Variants in PEX14 observed in about 807,000 individuals in gnomAD.
The protein encoded by PEX14 is peroxisomal biogenesis factor 14.
In PEX14, 15 loss-of-function variants were observed where a neutral mutation model predicts 49.5. The ratio of observed to expected loss-of-function variants is 0.30; its 90% confidence interval spans 0.20 to 0.47. PEX14 has a LOEUF of 0.47. PEX14 is among the 20% of genes least tolerant of loss of function. PEX14 has a pLI of 1.00. For synonymous variants in PEX14, 210 were observed against 212.7 expected, an observed-to-expected ratio of 0.99 and a Z score of 0.11; for missense variants, 398 against 494.8, an observed-to-expected ratio of 0.80 and a Z score of 1.86.
chr1:10,498,504 A>G (rs1465404775), intron 2 of PEX14, among the ~76,000 whole-genome samples: 1 of 152,154 alleles, frequency 6.6e-6, no homozygotes, highest in East Asian at 1.9e-4. Context: ...TTGTGGTGAG[A>G]AGTGTAATCT....
At chr1:10,517,403 C>G (rs1030459619) in intron 2 of PEX14, among the ~76,000 whole-genome samples, 16 of 151,928 alleles carry the variant, frequency 1.1e-4, no homozygotes, top group African/African-American at 3.6e-4. Flanking sequence ...TGATATAGCC[C>G]GTATGCAGAC....
intron 2 of PEX14, among the ~76,000 whole-genome samples, chr1:10,508,238 G>T (rs537106274): frequency 1.3e-5 from 2 of 151,716 alleles, no homozygotes; most frequent in African/African-American, 2.4e-5. Context: ...ACGGAGTCTC[G>T]CTCTGTCACC....
intron 8 of PEX14, 125 bp downstream of exon 8, chr1:10,627,488 A>G (rs1641784945): frequency 2.8e-6 from 2 of 721,478 alleles, no homozygotes; most frequent in Admixed American, 4.1e-5. Flanking sequence ...TGGGCGACTC[A>G]GGCACTGAGT....
At chr1:10,526,893 T>C (rs1038711435) in intron 2 of PEX14, among the ~76,000 whole-genome samples, 4 of 152,084 alleles carry the variant, frequency 2.6e-5, no homozygotes, top group African/African-American at 9.7e-5. Context: ...GATTGTTGAC[T>C]TTCTTCTGTT....
At chr1:10,621,955 C>T (rs924303303) in intron 5 of PEX14, among the ~76,000 whole-genome samples, 3 of 152,168 alleles carry the variant, frequency 2.0e-5, no homozygotes, top group Non-Finnish European at 4.4e-5. Flanking sequence ...TATCCCCGGG[C>T]AGCTCCTGCC....
At chr1:10,483,062 T>C (rs1005299565) in intron 1 of PEX14, among the ~76,000 whole-genome samples, 11 of 152,230 alleles carry the variant, frequency 7.2e-5, no homozygotes, top group African/African-American at 2.4e-4. Context: ...TTGTCGAAGA[T>C]GAAGTTTGAT....
chr1:10,475,144 C>T, intron 1 of PEX14, 142 bp downstream of exon 1: 2 of 757,672 alleles, frequency 2.6e-6, no homozygotes, highest in East Asian at 5.4e-5. Context: ...AGCCCCGCCC[C>T]TCCCCAGGTC....
chr1:10,483,431 C>G (rs911257520), intron 1 of PEX14, among the ~76,000 whole-genome samples: 7 of 152,290 alleles, frequency 4.6e-5, no homozygotes, highest in Admixed American at 1.3e-4. Context: ...ATTCTCCCCC[C>G]TCAGCCTCCG....
At chr1:10,603,100 A>G (rs1168179257) in intron 4 of PEX14, among the ~76,000 whole-genome samples, 1 of 152,206 alleles carries the variant, frequency 6.6e-6, no homozygotes, top group Admixed American at 6.5e-5. Flanking sequence ...CTCTTTTGGC[A>G]TCTCTGTTCT....
intron 2 of PEX14, among the ~76,000 whole-genome samples, chr1:10,526,828 G>T (rs147977432): frequency 2.9e-4 from 44 of 152,248 alleles, no homozygotes; most frequent in African/African-American, 1.0e-3. Flanking sequence ...GATTAGGGAT[G>T]CTCATCCTGT....
At position 10,623,220 on chromosome 1, in the gene PEX14, G is replaced by A. The variant is rs1641647055; in HGVS notation, c.487+99G>A. 6 of 774,620 alleles carry A rather than the reference G, an allele frequency of 7.7e-6. No homozygotes were observed. The highest frequency in any genetic ancestry group is 1.4e-5 in the Non-Finnish European group (6 of 438,978). 48.0% of individuals were successfully genotyped at this position (774,620 alleles called of 1,614,324 possible). A position where few individuals can be genotyped will look rare whatever the true frequency, so the allele number is the denominator to read the frequency against. On this transcript the variant is annotated intron_variant, in intron 6 of 8. Coordinates refer to ENST00000356607, the MANE Select transcript of PEX14 (RefSeq NM_004565.3). This position sits in a 1 kb window ranked among gnomAD's most constrained non-coding sequence, Gnocchi z 4.4. ...TCCCTCTGTCTCCACTCTATGTGGT[G>A]ACTTCATTTATCTGCTCTGAGAATC...
chr1:10,596,407 C>T (rs1268671990), intron 3 of PEX14, among the ~76,000 whole-genome samples: 1 of 152,166 alleles, frequency 6.6e-6, no homozygotes, highest in Non-Finnish European at 1.5e-5. Context: ...GGGTTAAGTT[C>T]CTGTATTGTT....
intron 2 of PEX14, among the ~76,000 whole-genome samples, chr1:10,500,927 A>G (rs1570160247): frequency 6.6e-6 from 1 of 152,210 alleles, no homozygotes; most frequent in Non-Finnish European, 1.5e-5. Flanking sequence ...GTGTGCACTC[A>G]TGTATGCATG....
chr1:10,486,950 G>A (rs1267443806), intron 1 of PEX14, among the ~76,000 whole-genome samples: 1 of 151,830 alleles, frequency 6.6e-6, no homozygotes, highest in East Asian at 1.9e-4. Context: ...GCCTCCCAAA[G>A]TGCTGGGATT....
intron 4 of PEX14, among the ~76,000 whole-genome samples, chr1:10,617,805 G>A (rs2124632028): frequency 6.6e-6 from 1 of 152,274 alleles, no homozygotes; most frequent in Admixed American, 6.5e-5. Context: ...AGCGAGAGCA[G>A]GGCTGGGAGG....
rs1017347429 is a variant in PEX14, at chr1:10,629,335, G to C, written c.678-196G>C. 6.6e-6 allele frequency among the ~76,000 whole-genome samples: 1 copy of C among 152,230 alleles called. No homozygotes were observed. The highest frequency in any genetic ancestry group is 1.9e-4 in the East Asian group (1 of 5,190). On this transcript the variant is annotated intron_variant, in intron 8 of 8. Coordinates refer to ENST00000356607, the MANE Select transcript of PEX14 (RefSeq NM_004565.3). This position sits in a 1 kb window ranked among gnomAD's most constrained non-coding sequence, Gnocchi z 8.5. ...GGCTGTCTGTGGGGGCACAGGACCC[G>C]CTTGGCATCTATCTCAGCTGTAGGA... is the stretch of plus-strand genomic sequence containing the variant.
chr1:10,517,323 C>T (rs561409443), intron 2 of PEX14, among the ~76,000 whole-genome samples: 2 of 152,208 alleles, frequency 1.3e-5, no homozygotes, highest in South Asian at 2.1e-4. Context: ...ACTCCCTCTC[C>T]TATTGGGGGC....
intron 3 of PEX14, among the ~76,000 whole-genome samples, chr1:10,542,674 T>C (rs1639051645): frequency 6.6e-6 from 1 of 152,138 alleles, no homozygotes; most frequent in Non-Finnish European, 1.5e-5. Context: ...GGCAGGAGAA[T>C]CGCTTTAACC....
chr1:10,615,290 A>G (rs1199235399), intron 4 of PEX14, among the ~76,000 whole-genome samples: 5 of 152,266 alleles, frequency 3.3e-5, no homozygotes, highest in African/African-American at 1.2e-4. Context: ...GATCACAGAC[A>G]GCGGGCTAAT....
Sources: allele counts gnomAD v4.1 joint callset (sites outside exome capture counted in the v4.1 genomes callset), GRCh38; gene constraint gnomAD v4.1.1; non-coding constraint Gnocchi (gnomAD v3.1); transcripts MANE v1.5; gene names NCBI Gene and HGNC (gene_info 2026-07-23, HGNC 2026-07-21).